The following CTIF variants were observed in gnomAD, a reference collection of about 807,000 sequenced individuals.
CTIF encodes the protein cap binding complex dependent translation initiation factor.
A neutral mutation model predicts 66.0 loss-of-function variants in CTIF; 21 were observed. The ratio of observed to expected loss-of-function variants is 0.32; its 90% CI spans 0.23 to 0.46. CTIF has a LOEUF of 0.46. Ranked by LOEUF, CTIF falls within the 20% of genes least tolerant of loss-of-function variation. CTIF has a pLI of 1.00. For synonymous variants in CTIF, 345 were observed against 326.4 expected, an observed-to-expected ratio of 1.06 and a Z score of -0.62; for missense variants, 739 against 812.7, an observed-to-expected ratio of 0.91 and a Z score of 1.10.
At chr18:48,752,105 A>C (rs560651951) in intron 7 of CTIF, among the ~76,000 whole-genome samples, 1 of 152,238 alleles carries the variant, frequency 6.6e-6, no homozygotes, top group Non-Finnish European at 1.5e-5. Context: ...TAGTCCATGC[A>C]GTGAGCTACC....
chr18:48,789,521 ATAT>A (rs934464774), intron 9 of CTIF, among the ~76,000 whole-genome samples: 5 of 152,246 alleles, frequency 3.3e-5, no homozygotes, highest in Non-Finnish European at 7.3e-5. Context: ...GTGTGCACTA[ATAT>A]TATAGGTCTA....
chr18:48,792,164 A>G (rs1233226443), intron 9 of CTIF, among the ~76,000 whole-genome samples: 1 of 152,228 alleles, frequency 6.6e-6, no homozygotes, highest in Admixed American at 6.5e-5. Context: ...GAGCTCACCC[A>G]GGTGACCCTT....
At chr18:48,627,955 T>G (rs542716958) in intron 2 of CTIF, among the ~76,000 whole-genome samples, 9 of 151,876 alleles carry the variant, frequency 5.9e-5, no homozygotes, top group African/African-American at 2.2e-4. Flanking sequence ...TAGGCTATGG[T>G]AGGGGGTCAG....
chr18:48,805,516 G>A (rs1400591166), intron 9 of CTIF, among the ~76,000 whole-genome samples: 3 of 152,086 alleles, frequency 2.0e-5, no homozygotes, highest in African/African-American at 7.2e-5. Context: ...CTACATTGAC[G>A]TCAACTGTGA....
rs371733762 is a variant in CTIF at position 48,764,095 on chromosome 18, C to T, written c.1371+2406C>T. On this transcript the variant is annotated intron_variant, in intron 9 of 11. Transcript: ENST00000256413. The stretch of plus-strand genomic sequence containing the variant: ...CTCCCCCAGAATTCACTTCTCTGTC[C>T]CACTCTGAGCATGCACCTCCCCCTG... Among the ~76,000 whole-genome samples, 229 of 152,246 alleles carry T rather than the reference C, an allele frequency of 1.5e-3. 1 individual carries two copies. Among genetic ancestry groups the T allele is most frequent in the African/African-American group, 5.0e-3 (209 of 41,538 alleles).
At chr18:48,794,161 C>A (rs1465090567) in intron 9 of CTIF, among the ~76,000 whole-genome samples, 2 of 152,200 alleles carry the variant, frequency 1.3e-5, no homozygotes, top group African/African-American at 2.4e-5. Context: ...CCCATTCTAG[C>A]CCCCAGCTTG....
intron 2 of CTIF, among the ~76,000 whole-genome samples, chr18:48,620,507 A>G (rs1003743479): frequency 9.9e-5 from 15 of 152,218 alleles, no homozygotes; most frequent in African/African-American, 3.4e-4. Context: ...TCTAGCTGCC[A>G]GTGTGACCTT....
chr18:48,776,405 C>T (rs1269680804), intron 9 of CTIF, among the ~76,000 whole-genome samples: 2 of 152,256 alleles, frequency 1.3e-5, no homozygotes, highest in Admixed American at 6.5e-5. Flanking sequence ...GGAGCCAGAG[C>T]AGGGTTGTGC....
intron 6 of CTIF, among the ~76,000 whole-genome samples, chr18:48,703,874 A>G (rs1174011253): frequency 3.9e-5 from 6 of 152,200 alleles, no homozygotes; most frequent in East Asian, 3.9e-4. Flanking sequence ...TGAGCCTGCC[A>G]AAAGGGCTGT....
chr18:48,764,785 G>A (rs980250283), intron 9 of CTIF, among the ~76,000 whole-genome samples: 1 of 152,232 alleles, frequency 6.6e-6, no homozygotes, highest in Admixed American at 6.5e-5. Flanking sequence ...TGCAGTCCCA[G>A]CTTTCATGTG....
intron 1 of CTIF, among the ~76,000 whole-genome samples, chr18:48,606,695 T>C (rs968432419): frequency 2.0e-5 from 3 of 152,146 alleles, no homozygotes; most frequent in South Asian, 4.1e-4. Flanking sequence ...GGCTGGCACA[T>C]TGAGGGAGTG....
chr18:48,701,530 T>TCCCCCAGCCACACTGGGGGC (rs142329172), intron 6 of CTIF, among the ~76,000 whole-genome samples: 70,885 of 151,376 alleles, frequency 0.47, 18,611 homozygotes, highest in African/African-American at 0.72. Context: ...AGTGCCTCCG[T>TCCCCCAGCCACACTGGGGGC]CCCCCAGCCC....
At chr18:48,583,044 G>T (rs1382583315) in intron 1 of CTIF, among the ~76,000 whole-genome samples, 1 of 152,254 alleles carries the variant, frequency 6.6e-6, no homozygotes. Context: ...CCCCATGTCT[G>T]CTGTGGTGGA....
intron 10 of CTIF, among the ~76,000 whole-genome samples, chr18:48,832,292 C>A (rs1443165556): frequency 6.6e-6 from 1 of 151,960 alleles, no homozygotes; most frequent in Non-Finnish European, 1.5e-5. Flanking sequence ...CCACCTCAGC[C>A]CCCCAAGTAG....
At chr18:48,548,658 T>C (rs1173149247) in intron 1 of CTIF, among the ~76,000 whole-genome samples, 1 of 152,228 alleles carries the variant, frequency 6.6e-6, no homozygotes, top group Non-Finnish European at 1.5e-5. Context: ...ACAAGGCCAA[T>C]AGTGAAGGTC....
chr18:48,614,944 A>T (rs993819931), intron 1 of CTIF, among the ~76,000 whole-genome samples: 6 of 152,184 alleles, frequency 3.9e-5, no homozygotes, highest in Non-Finnish European at 7.3e-5. Flanking sequence ...TCTGTCACCC[A>T]GACTGGAGTG....
chr18:48,584,008 C>G (rs1168159691), intron 1 of CTIF, among the ~76,000 whole-genome samples: 1 of 152,134 alleles, frequency 6.6e-6, no homozygotes, highest in Admixed American at 6.5e-5. Context: ...CTTACAGCAC[C>G]TTTGTGAGAA....
chr18:48,807,037 A>T (rs1385371110), intron 9 of CTIF, among the ~76,000 whole-genome samples: 1 of 152,170 alleles, frequency 6.6e-6, no homozygotes. Context: ...GCTTTTGGAT[A>T]CAAGAGGCTG....
chr18:48,633,721 A>G (rs2090763132), intron 2 of CTIF, among the ~76,000 whole-genome samples: 1 of 151,722 alleles, frequency 6.6e-6, no homozygotes, highest in Non-Finnish European at 1.5e-5. Flanking sequence ...ATAAATAAAT[A>G]AATAAATAAA....
Sources: allele counts gnomAD v4.1 joint callset (sites outside exome capture counted in the v4.1 genomes callset), GRCh38; gene constraint gnomAD v4.1.1; transcripts MANE v1.5; gene names NCBI Gene and HGNC (gene_info 2026-07-23, HGNC 2026-07-21).